ENOX1: variants seen among roughly 807,000 people sequenced by gnomAD.
ENOX1 encodes the protein candidate growth-related and time keeping constitutive hydroquinone (NADH) oxidase.
In ENOX1, 42 loss-of-function variants were observed where a neutral mutation model predicts 82.5. The observed-to-expected ratio is 0.51, with a 90% CI of 0.40 to 0.66. The LOEUF is 0.66. ENOX1 is among the 30% of genes least tolerant of loss of function. The pLI is 0.00. For missense variants in ENOX1, 608 were observed against 811.6 expected (o/e 0.75, Z 3.05); for synonymous variants, 271 against 282.2 (o/e 0.96, Z 0.40).
intron 3 of ENOX1, among the ~76,000 whole-genome samples, chr13:43,433,019 C>T (rs1307164398): frequency 6.6e-6 from 1 of 152,074 alleles, no homozygotes; most frequent in Non-Finnish European, 1.5e-5. Flanking sequence ...TGGGGGAGAC[C>T]ATGCATGTCT....
intron 8 of ENOX1, among the ~76,000 whole-genome samples, chr13:43,349,834 T>A (rs771101310): frequency 1.3e-5 from 2 of 151,918 alleles, no homozygotes; most frequent in African/African-American, 4.8e-5. Flanking sequence ...TCAAAAGGAA[T>A]AGATGTGATT....
intron 2 of ENOX1, among the ~76,000 whole-genome samples, chr13:43,531,971 G>A (rs182719624): frequency 0.013 from 1,984 of 151,398 alleles, 39 homozygotes; most frequent in African/African-American, 0.044. Flanking sequence ...TATACCTAAT[G>A]CTAAATGACG....
chr13:43,506,438 G>A (rs926474919), intron 2 of ENOX1, among the ~76,000 whole-genome samples: 3 of 147,010 alleles, frequency 2.0e-5, no homozygotes, highest in Non-Finnish European at 4.6e-5. Context: ...CGATTCCTCA[G>A]GGATCTAGAA....
intron 2 of ENOX1, among the ~76,000 whole-genome samples, chr13:43,651,836 G>C (rs2153777459): frequency 6.6e-6 from 1 of 151,870 alleles, no homozygotes; most frequent in South Asian, 2.1e-4. Context: ...TTAGCCGGGG[G>C]TAGTGGCACA....
intron 2 of ENOX1, among the ~76,000 whole-genome samples, chr13:43,633,765 G>C (rs2083311106): frequency 6.6e-6 from 1 of 151,422 alleles, no homozygotes; most frequent in Non-Finnish European, 1.5e-5. Context: ...AGAAGGATAA[G>C]AACAAAAAGG....
intron 3 of ENOX1, among the ~76,000 whole-genome samples, chr13:43,420,911 G>C (rs1334195421): frequency 6.6e-6 from 1 of 152,126 alleles, no homozygotes; most frequent in African/African-American, 2.4e-5. Flanking sequence ...TAAATATAGA[G>C]GATGGTGATT....
At chr13:43,595,001 C>T (rs1386130406) in intron 2 of ENOX1, among the ~76,000 whole-genome samples, 1 of 151,670 alleles carries the variant, frequency 6.6e-6, no homozygotes, top group Admixed American at 6.6e-5. Context: ...GTGAAAGGCT[C>T]AGGCAGTTTA....
Position 43,513,926 on chromosome 13 carries a change from T to C in ENOX1, c.-218-29774A>G, listed in dbSNP as rs145511635. 2.9e-3 allele frequency among the ~76,000 whole-genome samples: 437 copies of C among 152,288 alleles called. 11 individuals are homozygous for C. Among genetic ancestry groups the C allele is most frequent in the Admixed American group, 0.027 (416 of 15,288 alleles). On this transcript the variant is annotated intron_variant, in intron 2 of 16. Coordinates refer to ENST00000690772, the MANE Select transcript of ENOX1 (RefSeq NM_001347969.2). ...TTAATTTATTGTATAAATGTTTTCA[T>C]AGAAAACATCAATATTTAACAGTGA...
intron 2 of ENOX1, among the ~76,000 whole-genome samples, chr13:43,624,134 T>C (rs996926264): frequency 6.6e-6 from 1 of 152,206 alleles, no homozygotes; most frequent in African/African-American, 2.4e-5. Flanking sequence ...TCATATATAG[T>C]GATACTCATT....
At chr13:43,577,788 G>C (rs2153715437) in intron 2 of ENOX1, among the ~76,000 whole-genome samples, 1 of 152,254 alleles carries the variant, frequency 6.6e-6, no homozygotes, top group African/African-American at 2.4e-5. Flanking sequence ...CAGACAGAAA[G>C]CTCATTTATA....
In ENOX1 at chr13:43,412,016, GGTCGT is replaced by G; in HGVS notation, c.103_107del (p.Thr35ProfsTer18). The G allele has an allele frequency of 6.2e-7, 1 of 1,614,164 alleles. No individual in the cohort carries two copies. Among genetic ancestry groups the G allele is most frequent in the Non-Finnish European group, 8.5e-7 (1 of 1,180,018 alleles). On this transcript the variant is annotated frameshift_variant, in exon 5 of 17. Coordinates refer to ENST00000690772, the MANE Select transcript of ENOX1 (RefSeq NM_001347969.2). LOFTEE classifies it high-confidence loss of function. ...GATCTGTCACGGACATGTTGAGCTG[GGTCGT>G]GTCTATCGCTATACTCCCCAAACCA...
At chr13:43,466,736 T>A (rs2057743165) in intron 3 of ENOX1, among the ~76,000 whole-genome samples, 1 of 152,162 alleles carries the variant, frequency 6.6e-6, no homozygotes, top group Admixed American at 6.5e-5. Context: ...ATTCTTCTTA[T>A]CTAATTCCGG....
chr13:43,404,829 A>C (rs1435487048), intron 5 of ENOX1, among the ~76,000 whole-genome samples: 2 of 152,234 alleles, frequency 1.3e-5, no homozygotes, highest in African/African-American at 4.8e-5. Flanking sequence ...TCACAAGTAC[A>C]TGAAATCAGG....
At chr13:43,667,000 C>T (rs955914814) in intron 2 of ENOX1, among the ~76,000 whole-genome samples, 11 of 152,262 alleles carry the variant, frequency 7.2e-5, no homozygotes, top group African/African-American at 2.6e-4. Flanking sequence ...GAAAATTAAT[C>T]TCAAGTGACC....
chr13:43,666,998 A>T (rs1373187954), intron 2 of ENOX1, among the ~76,000 whole-genome samples: 2 of 152,208 alleles, frequency 1.3e-5, no homozygotes. Flanking sequence ...TGGAAAATTA[A>T]TCTCAAGTGA....
At chr13:43,587,756 CAT>C (rs901123766) in intron 2 of ENOX1, among the ~76,000 whole-genome samples, 4 of 152,106 alleles carry the variant, frequency 2.6e-5, no homozygotes, top group African/African-American at 9.7e-5. Context: ...TATTTTTAAA[CAT>C]GTTATATATT....
chr13:43,469,145 T>C (rs1331699573), intron 3 of ENOX1, among the ~76,000 whole-genome samples: 1 of 152,186 alleles, frequency 6.6e-6, no homozygotes, highest in Non-Finnish European at 1.5e-5. Context: ...AAAGTTTCCT[T>C]ATATTCCTAG....
Position 43,667,503 on chromosome 13 carries a change from T to A in ENOX1, c.-243A>T. On this transcript the variant is annotated 5_prime_UTR_variant, in exon 2 of 17. Coordinates refer to ENST00000690772, the MANE Select transcript of ENOX1 (RefSeq NM_001347969.2). ...CCTGAGCATGGTGAGCTCTCTCTCC[T>A]CCACATATTATAAATACGACATCAT... The A allele has an allele frequency of 1.0e-6, 1 of 985,504 alleles. No homozygotes were observed. The highest frequency in any genetic ancestry group is 1.2e-6 in the Non-Finnish European group (1 of 829,896). The allele number at this position is 985,504 out of a possible 1,614,324, so 61.0% of individuals were successfully genotyped here.
At chr13:43,628,220 CT>C (rs1449044781) in intron 2 of ENOX1, among the ~76,000 whole-genome samples, 2 of 152,116 alleles carry the variant, frequency 1.3e-5, no homozygotes, top group Non-Finnish European at 2.9e-5. Context: ...CCTTCTGGGA[CT>C]TCGATGCCGT....
Sources: allele counts gnomAD v4.1 joint callset (sites outside exome capture counted in the v4.1 genomes callset), GRCh38; gene constraint gnomAD v4.1.1; transcripts MANE v1.5; gene names NCBI Gene and HGNC (gene_info 2026-07-23, HGNC 2026-07-21).